The following AP1M1 variants were observed in gnomAD, a reference collection of about 807,000 sequenced individuals.
The protein encoded by AP1M1 is AP-1 complex subunit mu-1.
AP1M1 carries 18 observed loss-of-function variants against 57.1 expected under a neutral mutation model. That is an observed-to-expected ratio of 0.32 (90% CI 0.22 to 0.47). AP1M1 has a LOEUF of 0.47. Ranked by LOEUF, AP1M1 falls within the 20% of genes least tolerant of loss-of-function variation. The probability of loss-of-function intolerance (pLI) is 1.00; values close to 1 mark genes in which losing one functional copy is unlikely to be tolerated. For missense variants in AP1M1, 362 were observed against 593.5 expected (o/e 0.61, Z 4.05); for synonymous variants, 241 against 237.9 (o/e 1.01, Z -0.12).
chr19:16,216,752 G>A (rs1276946470), intron 5 of AP1M1, among the ~76,000 whole-genome samples: 3 of 152,184 alleles, frequency 2.0e-5, no homozygotes, highest in African/African-American at 7.2e-5. Context: ...TGGAGGACTG[G>A]TATCCAGCCC....
intron 4 of AP1M1, 37 bp downstream of exon 4, chr19:16,208,186 G>A (rs780319220): frequency 1.3e-5 from 20 of 1,577,900 alleles, no homozygotes; most frequent in Non-Finnish European, 1.3e-5. Context: ...GCCAGGCCTG[G>A]GCGGTGTCAT....
chr19:16,227,226 C>T lies in AP1M1; in HGVS notation c.674-322C>T, dbSNP rs180938293. On this transcript the variant is annotated intron_variant, in intron 6 of 11. Coordinates refer to ENST00000291439, the MANE Select transcript of AP1M1 (RefSeq NM_032493.4). The surrounding 1 kb of genome is among the most constrained non-coding windows in gnomAD (Gnocchi z 6.2). ...CAGGGCCTGAGCCCTTGGGGAGCCC[C>T]GAGCCATCCCCCAGCCAAGTCCACT... 1.2e-3 allele frequency among the ~76,000 whole-genome samples: 186 copies of T among 152,238 alleles called. No homozygotes were observed. Among genetic ancestry groups the T allele is most frequent in the Non-Finnish European group, 1.6e-3 (109 of 67,984 alleles).
At position 16,235,486 on chromosome 19, in the gene AP1M1, G is replaced by A. The variant is rs1050424808; in HGVS notation, c.*1051G>A. On this transcript the variant is annotated 3_prime_UTR_variant, in exon 12 of 12. Transcript: ENST00000291439. ...CTTCCCCAGCTGAAACACAGGAAAA[G>A]CAGCTGCGGGAAGAGGCAGCTGCAG... 3 of 152,194 alleles carry A rather than the reference G, an allele frequency of 2.0e-5. No homozygotes were observed. Among genetic ancestry groups the A allele is most frequent in the African/African-American group, 7.2e-5 (3 of 41,434 alleles). The allele number at this position is 152,194 out of a possible 1,614,324, so 9.4% of individuals were successfully genotyped here.
intron 5 of AP1M1, among the ~76,000 whole-genome samples, chr19:16,218,434 G>A (rs2091528188): frequency 6.6e-6 from 1 of 152,190 alleles, no homozygotes; most frequent in Admixed American, 6.5e-5. Context: ...AGAGTGGGTT[G>A]CCCCTTGCTA....
chr19:16,225,833 G>A (rs2091568743), intron 5 of AP1M1, among the ~76,000 whole-genome samples: 1 of 152,104 alleles, frequency 6.6e-6, no homozygotes, highest in African/African-American at 2.4e-5. Context: ...AAGCCCTGGG[G>A]GGTGAGGGGC....
chr19:16,205,027 GT>G (rs2091463985), intron 2 of AP1M1, among the ~76,000 whole-genome samples: 2 of 152,042 alleles, frequency 1.3e-5, no homozygotes, highest in African/African-American at 4.8e-5. Flanking sequence ...TAGAGACAGG[GT>G]TTCACCATGT....
chr19:16,232,149 C>T (rs1466271788), intron 9 of AP1M1, among the ~76,000 whole-genome samples: 1 of 152,226 alleles, frequency 6.6e-6, no homozygotes. Context: ...AGGATTGTGG[C>T]CTGTCCTCCT....
At chr19:16,233,188 G>A (rs571552702) in intron 9 of AP1M1, among the ~76,000 whole-genome samples, 22 of 152,332 alleles carry the variant, frequency 1.4e-4, no homozygotes, top group East Asian at 3.9e-4. Flanking sequence ...GGAGCTGGGC[G>A]GGGGGTGCTG....
At chr19:16,233,159 T>C (rs568983439) in intron 9 of AP1M1, among the ~76,000 whole-genome samples, 1 of 152,284 alleles carries the variant, frequency 6.6e-6, no homozygotes, top group Admixed American at 6.5e-5. Flanking sequence ...TCACCAGCCT[T>C]GGAGGAAAGT....
chr19:16,227,120 G>A lies in AP1M1; in HGVS notation c.674-428G>A, dbSNP rs552560160. On this transcript the variant is annotated intron_variant, in intron 6 of 11. Transcript: ENST00000291439. The surrounding 1 kb of genome is among the most constrained non-coding windows in gnomAD (Gnocchi z 6.2). ...CATCAGTCTATCAGGGCAGCTCCCC[G>A]CCTGGGGCTGGGCAGGGCCCCACCC... Among the ~76,000 whole-genome samples the A allele has an allele frequency of 3.3e-5, 5 of 152,142 alleles. No homozygotes were observed. The highest frequency in any genetic ancestry group is 7.2e-5 in the African/African-American group (3 of 41,448).
At chr19:16,200,596 G>A (rs2091442882) in intron 1 of AP1M1, among the ~76,000 whole-genome samples, 1 of 152,164 alleles carries the variant, frequency 6.6e-6, no homozygotes, top group Non-Finnish European at 1.5e-5. Context: ...TCAGCCTCGT[G>A]AGCCGACTGC....
intron 9 of AP1M1, among the ~76,000 whole-genome samples, chr19:16,232,956 GGCTGAATCGTC>G (rs1161522186): frequency 6.6e-6 from 1 of 152,184 alleles, no homozygotes; most frequent in African/African-American, 2.4e-5. Flanking sequence ...CAGGACCCAG[GGCTGAATCGTC>G]ACTCAGTGCA....
chr19:16,229,368 G>T (rs368039775), intron 9 of AP1M1, among the ~76,000 whole-genome samples: 1 of 152,220 alleles, frequency 6.6e-6, no homozygotes, highest in Non-Finnish European at 1.5e-5. Context: ...CCAGAGCTCC[G>T]CACCAGCCGC....
Position 16,234,574 on chromosome 19 carries a change from T to TC in AP1M1, c.*143dup. 9.3e-7 allele frequency: 1 copy of TC among 1,070,688 alleles called. No individual in the cohort carries two copies. Among genetic ancestry groups the TC allele is most frequent in the Non-Finnish European group, 1.4e-6 (1 of 727,838 alleles). 66.3% of individuals were successfully genotyped at this position (1,070,688 alleles called of 1,614,324 possible). A position where few individuals can be genotyped will look rare whatever the true frequency, so the allele number is the denominator to read the frequency against. Reference sequence around the variant, plus strand: ...AGCCTCTGCCCAGGGACCCCTGCCTTCCCCAGGCCATCTGCTCTGCCGTCG... The same window carrying TC: ...AGCCTCTGCCCAGGGACCCCTGCCTTCCCCCAGGCCATCTGCTCTGCCGTCG... On this transcript the variant is annotated 3_prime_UTR_variant, in exon 12 of 12. Transcript: ENST00000291439.
At chr19:16,219,064 G>GTTT (rs35202979) in intron 5 of AP1M1, among the ~76,000 whole-genome samples, 17 of 142,964 alleles carry the variant, frequency 1.2e-4, no homozygotes, top group African/African-American at 3.1e-4. Context: ...TTTGCTAACA[G>GTTT]TTTTTTTTTT....
At chr19:16,226,393 C>A (rs1320959802) in intron 5 of AP1M1, 28 bp from the exon 6 acceptor site, 2 of 1,512,958 alleles carry the variant, frequency 1.3e-6, no homozygotes, top group Non-Finnish European at 1.8e-6. Flanking sequence ...TTGGGGACCT[C>A]CCCTCACGCC....
Position 16,244,511 on chromosome 19 carries a change from C to T in AP1M1, c.*10076C>T, listed in dbSNP as rs1679240595. 1 of 152,082 alleles carries T rather than the reference C, an allele frequency of 6.6e-6. No individual in the cohort carries two copies. Among genetic ancestry groups the T allele is most frequent in the Non-Finnish European group, 1.5e-5 (1 of 68,012 alleles). The allele number at this position is 152,082 out of a possible 1,614,324, so 9.4% of individuals were successfully genotyped here. On this transcript the variant is annotated 3_prime_UTR_variant, in exon 12 of 12. Transcript: ENST00000291439. The stretch of plus-strand genomic sequence containing the variant: ...AGAATTATACAACAGGAAAAAAAGT[C>T]TGCAGGGAGTAAACTGAGTTAAAAT...
At chr19:16,198,289 T>G in intron 1 of AP1M1, 1 of 336,878 alleles carries the variant, frequency 3.0e-6, no homozygotes. Flanking sequence ...CGCGGTGGGC[T>G]GCAGCCACCG....
chr19:16,223,188 C>T lies in AP1M1; in HGVS notation c.547-3233C>T, dbSNP rs966434967. ...CAATCCCCAACCTGTAGGCCATGAG[C>T]ATCACGTCAGTTTTTAAAGCCCCCG... On this transcript the variant is annotated intron_variant, in intron 5 of 11. Coordinates refer to ENST00000291439, the MANE Select transcript of AP1M1 (RefSeq NM_032493.4). Among the ~76,000 whole-genome samples, 6 of 152,336 alleles carry T rather than the reference C, an allele frequency of 3.9e-5. No individual in the cohort carries two copies. The South Asian group carries it at 1.2e-3, about 32-fold the overall frequency.
Sources: gnomAD v4.1 joint callset for allele counts (sites outside exome capture counted in the v4.1 genomes callset) on GRCh38, gnomAD v4.1.1 for gene constraint, Gnocchi (gnomAD v3.1) non-coding constraint, MANE v1.5 for transcripts, NCBI Gene and HGNC (gene_info 2026-07-23, HGNC 2026-07-21) for gene names.